Variants in MEG3 observed in about 807,000 individuals in gnomAD.
The protein encoded by MEG3 is Very putative protein from MEG3 locus.
At chr14:100,842,222 G>A (rs1211943860) in intron 2 of MEG3, among the ~76,000 whole-genome samples, 1 of 152,164 alleles carries the variant, frequency 6.6e-6, no homozygotes, top group Non-Finnish European at 1.5e-5. Context: ...AATTAGACGG[G>A]CAGACTGCTT....
chr14:100,833,566 G>C (rs190801558), downstream of MEG3: 1 of 152,490 alleles, frequency 6.6e-6, no homozygotes, highest in East Asian at 1.9e-4. Context: ...CCCTATAGTA[G>C]TTCTTCTTTT....
intron 3 of MEG3, chr14:100,851,365 A>G (rs1435600762): frequency 6.6e-6 from 1 of 152,302 alleles, no homozygotes; most frequent in African/African-American, 2.4e-5. Flanking sequence ...TGGGTGGAGC[A>G]TGGGCCCCGC....
intron 3 of MEG3, chr14:100,849,633 AC>A (rs2038011494): frequency 6.6e-6 from 1 of 152,204 alleles, no homozygotes; most frequent in East Asian, 1.9e-4. Context: ...ATAAAGAAAA[AC>A]CAATAAAAAA....
At position 100,837,234 on chromosome 14, in the gene MEG3, G is replaced by A. The variant is rs1832238025; in HGVS notation, n.3045+934G>A. 6.6e-6 allele frequency among the ~76,000 whole-genome samples: 1 copy of A among 152,328 alleles called. No homozygotes were observed. The highest frequency in any genetic ancestry group is 2.1e-4 in the South Asian group (1 of 4,824). The stretch of plus-strand genomic sequence containing the variant: ...GTTTGGGCTGGCAGGAAGAGAGGAG[G>A]CTCAGCTGAGGCCACTTTCCTTTCT... On this transcript the variant is annotated intron_variant and non_coding_transcript_variant, in intron 2 of 3. Transcript: ENST00000398461. This position sits in a 1 kb window ranked among gnomAD's most constrained non-coding sequence, Gnocchi z 5.8.
At chr14:100,839,272 T>A (rs552940077) in intron 2 of MEG3, among the ~76,000 whole-genome samples, 1 of 152,278 alleles carries the variant, frequency 6.6e-6, no homozygotes, top group East Asian at 1.9e-4. Flanking sequence ...CCTGGGTCGC[T>A]GGGAGTGGCT....
intron 1 of MEG3, chr14:100,826,150 T>G (rs1267171689): frequency 6.6e-6 from 1 of 152,232 alleles, no homozygotes; most frequent in Non-Finnish European, 1.5e-5. Flanking sequence ...GGAGCGCGCC[T>G]TGGCTCGCTG....
At chr14:100,832,889 T>G (rs1445704311), downstream of MEG3, 1 of 152,312 alleles carries the variant, frequency 6.6e-6, no homozygotes, top group Non-Finnish European at 1.5e-5. Context: ...ATTCATTCCC[T>G]TTCTTCAAGA....
At chr14:100,858,103 A>T (rs2038294394) in exon 1 of MEG3, 1 of 152,214 alleles carries the variant, frequency 6.6e-6, no homozygotes, top group South Asian at 2.1e-4. Context: ...AGGACTTCCC[A>T]GTCTTGCACA....
At chr14:100,834,968 GC>G (rs1201377121) in exon 1 of MEG3, 1 of 390,756 alleles carries the variant, frequency 2.6e-6, no homozygotes, top group Non-Finnish European at 5.2e-6. Flanking sequence ...AACTGAGCAC[GC>G]CCACGGCCCT....
rs115219851 is a variant in MEG3 at position 100,841,915 on chromosome 14, C to T, written n.3046-3543C>T. On this transcript the variant is annotated intron_variant and non_coding_transcript_variant, in intron 2 of 3. Coordinates refer to the MEG3 transcript ENST00000398461. ...TTTTGGGTCCTGAGACCCTCGCCAGCGCCTCTGTTGGCACGGTGGCCCAGT... is the reference window on the plus strand; with the variant it reads ...TTTTGGGTCCTGAGACCCTCGCCAGTGCCTCTGTTGGCACGGTGGCCCAGT... Among the ~76,000 whole-genome samples the T allele has an allele frequency of 2.3e-3, 353 of 152,298 alleles. 2 individuals are homozygous for T. Among genetic ancestry groups the T allele is most frequent in the African/African-American group, 6.8e-3 (284 of 41,566 alleles).
chr14:100,841,644 G>GA (rs1403013747), intron 2 of MEG3, among the ~76,000 whole-genome samples: 2 of 152,210 alleles, frequency 1.3e-5, no homozygotes, highest in Non-Finnish European at 2.9e-5. Flanking sequence ...TGGTCGGGGG[G>GA]GGTCACAGTC....
At chr14:100,852,374 A>G (rs771936255), upstream of MEG3, 28 of 533,900 alleles carry the variant, frequency 5.2e-5, no homozygotes, top group South Asian at 3.8e-4. Flanking sequence ...GGCGGAGGAC[A>G]TGGAATTCAT....
exon 1 of MEG3, chr14:100,857,625 G>A (rs1374042510): frequency 6.6e-6 from 1 of 152,184 alleles, no homozygotes; most frequent in African/African-American, 2.4e-5. Flanking sequence ...TGATTGATGA[G>A]TGATGGCTTT....
At chr14:100,853,536 C>A (rs2038151357), upstream of MEG3, 1 of 151,968 alleles carries the variant, frequency 6.6e-6, no homozygotes, top group African/African-American at 2.4e-5. Flanking sequence ...TAATGAGCAT[C>A]CCTTCTTTAA....
chr14:100,836,547 G>A (rs1232445697), intron 2 of MEG3, among the ~76,000 whole-genome samples: 1 of 152,066 alleles, frequency 6.6e-6, no homozygotes. Flanking sequence ...GGCGACGGTA[G>A]GTGGGGAGTG....
At chr14:100,826,173 G>T (rs974660656) in intron 1 of MEG3, 2 of 152,240 alleles carry the variant, frequency 1.3e-5, no homozygotes, top group African/African-American at 4.8e-5. Flanking sequence ...CTTGGCGGCG[G>T]CTCCTCAGGA....
chr14:100,853,510 AAG>A (rs1305842624), upstream of MEG3: 1 of 152,202 alleles, frequency 6.6e-6, no homozygotes, highest in African/African-American at 2.4e-5. Context: ...TTTTTAAAAA[AAG>A]AGTGTCTATT....
At chr14:100,837,000 C>T (rs1297292792) in intron 2 of MEG3, among the ~76,000 whole-genome samples, 4 of 152,174 alleles carry the variant, frequency 2.6e-5, no homozygotes, top group Non-Finnish European at 4.4e-5. Flanking sequence ...TTGTGTTTTA[C>T]TAATTCAAGA....
chr14:100,853,102 C>T (rs1358564217), upstream of MEG3: 2 of 152,350 alleles, frequency 1.3e-5, no homozygotes, highest in Non-Finnish European at 2.9e-5. Flanking sequence ...TCACGTGCTC[C>T]CTACCCGGTT....
Sources: allele counts gnomAD v4.1 joint callset (sites outside exome capture counted in the v4.1 genomes callset), GRCh38; gene constraint gnomAD v4.1.1; non-coding constraint Gnocchi (gnomAD v3.1); transcripts MANE v1.5; gene names NCBI Gene and HGNC (gene_info 2026-07-23, HGNC 2026-07-21).